Variants in NKAIN3 observed in about 807,000 individuals in gnomAD.
The protein encoded by NKAIN3 is sodium/potassium-transporting ATPase subunit beta-1-interacting protein 3.
In NKAIN3, 25 loss-of-function variants were observed where a neutral mutation model predicts 30.2. The ratio of observed to expected loss-of-function variants is 0.83; its 90% CI spans 0.60 to 1.16. NKAIN3 has a LOEUF of 1.16. Ranked by LOEUF, NKAIN3 falls within the 50% of genes most tolerant of loss-of-function variation. NKAIN3 has a pLI of 0.00. For synonymous variants in NKAIN3, 91 were observed against 89.6 expected (o/e 1.02, Z -0.09); for missense variants, 225 against 254.1 (o/e 0.89, Z 0.78).
At chr8:62,474,881 C>A (rs1806464707) in intron 1 of NKAIN3, among the ~76,000 whole-genome samples, 1 of 151,982 alleles carries the variant, frequency 6.6e-6, no homozygotes, top group Admixed American at 6.6e-5. Flanking sequence ...GTTATTTTTT[C>A]TTCTAAATTT....
At chr8:62,472,917 CT>C (rs1402843882) in intron 1 of NKAIN3, among the ~76,000 whole-genome samples, 1 of 152,158 alleles carries the variant, frequency 6.6e-6, no homozygotes, top group Non-Finnish European at 1.5e-5. Context: ...TGAGTTTCTG[CT>C]GCATGAGCTG....
At chr8:62,829,352 G>A (rs73684094) in intron 4 of NKAIN3, among the ~76,000 whole-genome samples, 3,828 of 152,128 alleles carry the variant, frequency 0.025, 153 homozygotes, top group African/African-American at 0.087. Flanking sequence ...AATGTTTGAC[G>A]CCCAGCATTT....
intron 4 of NKAIN3, among the ~76,000 whole-genome samples, chr8:62,797,363 AATGTGTACAC>A (rs1170062981): frequency 6.6e-6 from 1 of 152,212 alleles, no homozygotes; most frequent in Non-Finnish European, 1.5e-5. Flanking sequence ...ACTTTTGGAA[AATGTGTACAC>A]ATGTAAGTTA....
At position 62,671,016 on chromosome 8, in the gene NKAIN3, T is replaced by C. The variant is rs539284556; in HGVS notation, c.274-75916T>C. On this transcript the variant is annotated intron_variant, in intron 3 of 6. Transcript: ENST00000623646. ...TGTGAAAAAATAGTGGCATGACAGA[T>C]GTTTTTATGTAAAAAAGAAGCTATA... Among the ~76,000 whole-genome samples, 19 of 152,266 alleles carry C rather than the reference T, an allele frequency of 1.2e-4. No individual in the cohort carries two copies. In the South Asian group the frequency reaches 3.7e-3, roughly 30 times the overall value.
chr8:62,285,749 G>C (rs1217486403), intron 1 of NKAIN3, among the ~76,000 whole-genome samples: 4 of 152,122 alleles, frequency 2.6e-5, no homozygotes, highest in Admixed American at 6.6e-5. Context: ...TGGCAGATTA[G>C]GGTGACCCAG....
intron 3 of NKAIN3, among the ~76,000 whole-genome samples, chr8:62,608,636 A>G (rs1260566907): frequency 1.3e-5 from 2 of 152,198 alleles, no homozygotes; most frequent in Non-Finnish European, 2.9e-5. Context: ...CTTTTCCAAG[A>G]TACTCTCTTT....
At chr8:62,814,465 G>A (rs993991714) in intron 4 of NKAIN3, among the ~76,000 whole-genome samples, 3 of 151,390 alleles carry the variant, frequency 2.0e-5, no homozygotes, top group Admixed American at 6.6e-5. Context: ...TTCCAAAATC[G>A]ACCACATAGT....
chr8:62,303,470 T>C (rs1814123531), intron 1 of NKAIN3, among the ~76,000 whole-genome samples: 1 of 150,666 alleles, frequency 6.6e-6, no homozygotes, highest in Non-Finnish European at 1.5e-5. Context: ...TGATGCTAAT[T>C]GCAGAATAGA....
chr8:62,892,516 T>G (rs1417090430), intron 4 of NKAIN3, among the ~76,000 whole-genome samples: 1 of 152,190 alleles, frequency 6.6e-6, no homozygotes, highest in Non-Finnish European at 1.5e-5. Flanking sequence ...AGTGAAATGC[T>G]GAAATCACAT....
chr8:62,816,563 A>G (rs1445286859), intron 4 of NKAIN3, among the ~76,000 whole-genome samples: 2 of 152,122 alleles, frequency 1.3e-5, no homozygotes, highest in Non-Finnish European at 2.9e-5. Flanking sequence ...TGGGGAGTAC[A>G]TACATTAGCT....
intron 1 of NKAIN3, among the ~76,000 whole-genome samples, chr8:62,377,841 C>A (rs1421646846): frequency 6.6e-6 from 1 of 152,258 alleles, no homozygotes; most frequent in Admixed American, 6.5e-5. Flanking sequence ...TCAATTAAAC[C>A]TCTTTTCTTT....
intron 3 of NKAIN3, among the ~76,000 whole-genome samples, chr8:62,629,090 G>A (rs1378142744): frequency 6.6e-6 from 1 of 152,058 alleles, no homozygotes; most frequent in East Asian, 1.9e-4. Context: ...GTAAGACATA[G>A]CCCCAGGGGT....
intron 1 of NKAIN3, among the ~76,000 whole-genome samples, chr8:62,345,394 C>CATATGTATATATACACAT (rs1554669231): frequency 8.8e-5 from 1 of 11,368 alleles, no homozygotes; most frequent in African/African-American, 2.3e-4. Flanking sequence ...TATATACACA[C>CATATGTATATATACACAT]ATATACACAT....
intron 3 of NKAIN3, among the ~76,000 whole-genome samples, chr8:62,693,927 T>C (rs1158324690): frequency 6.6e-6 from 1 of 152,202 alleles, no homozygotes; most frequent in Non-Finnish European, 1.5e-5. Context: ...AGAAAAAAGT[T>C]GCATTAATCA....
intron 1 of NKAIN3, among the ~76,000 whole-genome samples, chr8:62,423,549 T>C (rs1804712746): frequency 1.3e-5 from 2 of 151,736 alleles, no homozygotes; most frequent in Admixed American, 1.3e-4. Context: ...TGAACTTCTC[T>C]TTTCTGTTAT....
At chr8:62,777,943 G>A (rs374056872) in intron 4 of NKAIN3, among the ~76,000 whole-genome samples, 1 of 152,238 alleles carries the variant, frequency 6.6e-6, no homozygotes, top group African/African-American at 2.4e-5. Context: ...CCATATTGTA[G>A]CACTTGAAGA....
At chr8:62,275,157 T>C (rs1275487183) in intron 1 of NKAIN3, among the ~76,000 whole-genome samples, 5 of 152,304 alleles carry the variant, frequency 3.3e-5, no homozygotes, top group African/African-American at 1.2e-4. Context: ...TCTAGATCCC[T>C]GAGGAATCGC....
intron 1 of NKAIN3, among the ~76,000 whole-genome samples, chr8:62,371,486 C>A (rs1008611477): frequency 5.3e-5 from 8 of 151,848 alleles, no homozygotes; most frequent in African/African-American, 1.7e-4. Flanking sequence ...GACTTATGGT[C>A]CCCTTGTTTC....
intron 4 of NKAIN3, among the ~76,000 whole-genome samples, chr8:62,765,590 G>A (rs189076400): frequency 5.1e-4 from 78 of 152,298 alleles, no homozygotes; most frequent in Non-Finnish European, 1.0e-3. Context: ...AAGAAAGGAT[G>A]AGTCAACAAT....
Sources: gnomAD v4.1 joint callset for allele counts (sites outside exome capture counted in the v4.1 genomes callset) on GRCh38, gnomAD v4.1.1 for gene constraint, MANE v1.5 for transcripts, NCBI Gene and HGNC (gene_info 2026-07-23, HGNC 2026-07-21) for gene names.